The following BNC2 variants were observed in gnomAD, a reference collection of about 807,000 sequenced individuals.
The protein encoded by BNC2 is basonuclin zinc finger protein 2.
BNC2 carries 20 observed loss-of-function variants against 76.3 expected under a neutral mutation model. That is an observed-to-expected ratio of 0.26 (90% CI 0.18 to 0.38). BNC2 has a LOEUF of 0.38. Among genes scored for constraint, BNC2 ranks in the 10% least tolerant of loss-of-function variants. The pLI is 1.00. For missense variants in BNC2, 1,382 were observed against 1,399.8 expected (o/e 0.99, Z 0.20); for synonymous variants, 582 against 514.8 (o/e 1.13, Z -1.77).
At position 16,422,414 on chromosome 9, in the gene BNC2, A is replaced by G. The variant is rs946800881; in HGVS notation, c.2640-2765T>C. 7.9e-5 allele frequency among the ~76,000 whole-genome samples: 12 copies of G among 152,236 alleles called. No individual in the cohort carries two copies. The South Asian group carries it at 1.9e-3, about 24-fold the overall frequency. On this transcript the variant is annotated intron_variant, in intron 6 of 6. Transcript: ENST00000380672. ...TCAATTGATTCAGGTGTAATGCAATAATAAAGATGAACTCATGGCAGTGCA... is the reference window on the plus strand; with the variant it reads ...TCAATTGATTCAGGTGTAATGCAATGATAAAGATGAACTCATGGCAGTGCA...
At chr9:16,848,099 T>C (rs1184569013) in intron 1 of BNC2, among the ~76,000 whole-genome samples, 1 of 152,214 alleles carries the variant, frequency 6.6e-6, no homozygotes, top group Admixed American at 6.5e-5. Context: ...AAACATCCAA[T>C]ATTAATAAAT....
chr9:16,609,247 T>C (rs1292204655), intron 3 of BNC2, among the ~76,000 whole-genome samples: 1 of 152,118 alleles, frequency 6.6e-6, no homozygotes, highest in Non-Finnish European at 1.5e-5. Flanking sequence ...GCCTACTCTG[T>C]GCTGGGGATT....
chr9:16,570,212 A>G (rs1819282178), intron 4 of BNC2, among the ~76,000 whole-genome samples: 1 of 152,204 alleles, frequency 6.6e-6, no homozygotes, highest in Admixed American at 6.5e-5. Flanking sequence ...CATGTGAAAA[A>G]ATATTTCAAA....
At chr9:16,557,573 G>C (rs1818874580) in intron 4 of BNC2, among the ~76,000 whole-genome samples, 1 of 151,806 alleles carries the variant, frequency 6.6e-6, no homozygotes, top group African/African-American at 2.4e-5. Context: ...ATATATAAAA[G>C]TGAAGCTGTT....
At chr9:16,846,559 C>T (rs1586931521) in intron 1 of BNC2, among the ~76,000 whole-genome samples, 1 of 152,170 alleles carries the variant, frequency 6.6e-6, no homozygotes, top group East Asian at 1.9e-4. Flanking sequence ...GACAAGGCTG[C>T]AGCTCAGAAA....
chr9:16,607,697 G>A (rs1370312468), intron 3 of BNC2, among the ~76,000 whole-genome samples: 3 of 152,118 alleles, frequency 2.0e-5, no homozygotes, highest in African/African-American at 4.8e-5. Context: ...TTCAGATGAG[G>A]TTCATTTTAA....
intron 3 of BNC2, among the ~76,000 whole-genome samples, chr9:16,687,545 AT>A (rs1823015681): frequency 6.6e-6 from 1 of 152,150 alleles, no homozygotes. Context: ...CCAGGGAGCA[AT>A]AGAAGGGAAA....
chr9:16,701,126 C>T (rs774241814), intron 3 of BNC2, among the ~76,000 whole-genome samples: 1 of 152,032 alleles, frequency 6.6e-6, no homozygotes, highest in Non-Finnish European at 1.5e-5. Context: ...TCCAGGGATC[C>T]CTAGGAGAGG....
intron 5 of BNC2, among the ~76,000 whole-genome samples, chr9:16,487,619 A>T (rs1368878765): frequency 6.6e-6 from 1 of 152,186 alleles, no homozygotes; most frequent in Admixed American, 6.5e-5. Flanking sequence ...CAAAGAGAGC[A>T]CTGAACCCCA....
chr9:16,865,035 G>GAAA (rs5896712), intron 1 of BNC2, among the ~76,000 whole-genome samples: 1 of 131,068 alleles, frequency 7.6e-6, no homozygotes, highest in Non-Finnish European at 1.6e-5. Flanking sequence ...GCTTTGGACT[G>GAAA]AAAAAAAAAA....
intron 3 of BNC2, among the ~76,000 whole-genome samples, chr9:16,599,299 C>T (rs1820179255): frequency 6.6e-6 from 1 of 152,174 alleles, no homozygotes; most frequent in African/African-American, 2.4e-5. Context: ...AACTTACATA[C>T]TACAGAGATT....
intron 5 of BNC2, among the ~76,000 whole-genome samples, chr9:16,481,693 T>A (rs1822060400): frequency 6.6e-6 from 1 of 152,190 alleles, no homozygotes; most frequent in Non-Finnish European, 1.5e-5. Flanking sequence ...TCAATTTCAA[T>A]GAGTATTTTT....
chr9:16,471,665 G>A (rs1289730381), intron 5 of BNC2, among the ~76,000 whole-genome samples: 2 of 152,196 alleles, frequency 1.3e-5, no homozygotes, highest in African/African-American at 2.4e-5. Flanking sequence ...TTGGACTGTG[G>A]ACTTTTGGGT....
At chr9:16,452,052 C>T (rs774994864) in intron 5 of BNC2, among the ~76,000 whole-genome samples, 70 of 152,082 alleles carry the variant, frequency 4.6e-4, no homozygotes, top group African/African-American at 8.5e-4. Context: ...GAGTGCTTTT[C>T]CTAAAAATGT....
At chr9:16,783,831 T>G (rs1264259903) in intron 1 of BNC2, among the ~76,000 whole-genome samples, 2 of 152,226 alleles carry the variant, frequency 1.3e-5, no homozygotes, top group Admixed American at 1.3e-4. Context: ...CCCTAACCTT[T>G]GGCTAACTGA....
Position 16,538,546 on chromosome 9 carries a change from A to C in BNC2, c.669+13984T>G, listed in dbSNP as rs1034862112. Among the ~76,000 whole-genome samples, 11 of 152,226 alleles carry C rather than the reference A, an allele frequency of 7.2e-5. No homozygotes were observed. The East Asian group carries it at 2.1e-3, about 29-fold the overall frequency. Reference sequence around the variant, plus strand: ...TGATCATCTTTGATTTCTCACTAAAAGGAAATTTTAAAATAAGTTTTCATT... The same window carrying C: ...TGATCATCTTTGATTTCTCACTAAACGGAAATTTTAAAATAAGTTTTCATT... On this transcript the variant is annotated intron_variant, in intron 5 of 6. Coordinates refer to ENST00000380672, the MANE Select transcript of BNC2 (RefSeq NM_017637.6).
At chr9:16,487,102 A>G (rs1341860641) in intron 5 of BNC2, among the ~76,000 whole-genome samples, 1 of 152,202 alleles carries the variant, frequency 6.6e-6, no homozygotes, top group Admixed American at 6.5e-5. Context: ...GAGAAAAGAG[A>G]TGTGTAACTC....
At chr9:16,696,525 T>C (rs966556006) in intron 3 of BNC2, among the ~76,000 whole-genome samples, 5 of 152,198 alleles carry the variant, frequency 3.3e-5, no homozygotes, top group African/African-American at 1.2e-4. Flanking sequence ...CCAAGTGCTC[T>C]ATGTTCCTTA....
intron 1 of BNC2, among the ~76,000 whole-genome samples, chr9:16,788,853 T>C (rs1817421897): frequency 6.6e-6 from 1 of 152,104 alleles, no homozygotes; most frequent in Non-Finnish European, 1.5e-5. Context: ...GGGCCTCCTC[T>C]TTCCCACCTG....
Sources: allele counts gnomAD v4.1 joint callset (sites outside exome capture counted in the v4.1 genomes callset), GRCh38; gene constraint gnomAD v4.1.1; transcripts MANE v1.5; gene names NCBI Gene and HGNC (gene_info 2026-07-23, HGNC 2026-07-21).